HCN1: variants seen among roughly 807,000 people sequenced by gnomAD.
The protein encoded by HCN1 is potassium/sodium hyperpolarization-activated cyclic nucleotide-gated channel 1.
Under a neutral mutation model 78.9 loss-of-function variants are expected in HCN1, and 13 were observed. That is an observed-to-expected ratio of 0.16 (90% confidence interval 0.11 to 0.26). The LOEUF (loss-of-function observed/expected upper bound fraction) is 0.26. Among genes scored for constraint, HCN1 ranks in the 10% least tolerant of loss-of-function variants. HCN1 has a pLI of 1.00. For synonymous variants in HCN1, 552 were observed against 455.5 expected (o/e 1.21, Z -2.70); for missense variants, 810 against 1,154.3 (o/e 0.70, Z 4.32).
intron 1 of HCN1, among the ~76,000 whole-genome samples, chr5:45,685,025 T>C (rs1200863257): frequency 6.6e-6 from 1 of 152,210 alleles, no homozygotes; most frequent in Non-Finnish European, 1.5e-5. Context: ...AAGTGACAAC[T>C]GCTCTAGAAA....
chr5:45,294,312 T>C (rs551279048), intron 6 of HCN1, among the ~76,000 whole-genome samples: 221 of 152,124 alleles, frequency 1.5e-3, no homozygotes, highest in African/African-American at 5.0e-3. Context: ...ATAAAAATCC[T>C]AAATACATAC....
At chr5:45,412,566 G>A (rs943652972) in intron 3 of HCN1, among the ~76,000 whole-genome samples, 18 of 152,098 alleles carry the variant, frequency 1.2e-4, no homozygotes, top group Admixed American at 1.1e-3. Context: ...ATCTTCTTCT[G>A]AGAGGCTTGA....
At chr5:45,653,950 T>C (rs965609533) in intron 1 of HCN1, among the ~76,000 whole-genome samples, 1 of 152,040 alleles carries the variant, frequency 6.6e-6, no homozygotes, top group African/African-American at 2.4e-5. Flanking sequence ...AATATAATCA[T>C]TTGTTCTTTT....
At chr5:45,348,459 T>G (rs1746799789) in intron 5 of HCN1, among the ~76,000 whole-genome samples, 1 of 152,072 alleles carries the variant, frequency 6.6e-6, no homozygotes, top group Admixed American at 6.5e-5. Context: ...CTGCATCAAC[T>G]AACAAGCAAA....
At chr5:45,345,097 G>A (rs1746672264) in intron 5 of HCN1, among the ~76,000 whole-genome samples, 1 of 152,144 alleles carries the variant, frequency 6.6e-6, no homozygotes, top group African/African-American at 2.4e-5. Context: ...GACCCCCACA[G>A]GCTCAACATC....
At chr5:45,327,482 G>A (rs187693351) in intron 5 of HCN1, among the ~76,000 whole-genome samples, 206 of 151,578 alleles carry the variant, frequency 1.4e-3, no homozygotes, top group South Asian at 2.3e-3. Context: ...ATGCACATGA[G>A]GACCTAAGGA....
At chr5:45,411,562 G>C (rs1740024568) in intron 3 of HCN1, among the ~76,000 whole-genome samples, 1 of 143,382 alleles carries the variant, frequency 7.0e-6, no homozygotes, top group Non-Finnish European at 1.5e-5. Flanking sequence ...TGCTCATGAG[G>C]ATATTCTAGC....
rs377028405 is a variant in HCN1 at position 45,403,194 on chromosome 5, C to G, written c.1012-6484G>C. Among the ~76,000 whole-genome samples, 23 of 152,148 alleles carry G rather than the reference C, an allele frequency of 1.5e-4. No individual in the cohort carries two copies. The South Asian group carries it at 4.6e-3, about 30-fold the overall frequency. ...CTTGTGTTTGCAAGGGCCAAGTGAA[C>G]CATAACAAAGGAAAGTGAGCATTTA... On this transcript the variant is annotated intron_variant, in intron 3 of 7. Coordinates refer to ENST00000303230, the MANE Select transcript of HCN1 (RefSeq NM_021072.4).
At chr5:45,513,672 G>A (rs1742462992) in intron 2 of HCN1, among the ~76,000 whole-genome samples, 1 of 152,152 alleles carries the variant, frequency 6.6e-6, no homozygotes, top group Non-Finnish European at 1.5e-5. Flanking sequence ...AATCTAGGTT[G>A]CACGTTACCC....
At chr5:45,501,447 T>C (rs1276859045) in intron 2 of HCN1, among the ~76,000 whole-genome samples, 1 of 152,130 alleles carries the variant, frequency 6.6e-6, no homozygotes, top group Non-Finnish European at 1.5e-5. Context: ...TTTGTTTTGT[T>C]TTTTGAGACG....
At chr5:45,477,053 C>T (rs1295323245) in intron 2 of HCN1, among the ~76,000 whole-genome samples, 2 of 152,118 alleles carry the variant, frequency 1.3e-5, no homozygotes, top group Non-Finnish European at 2.9e-5. Context: ...GTTACAATTA[C>T]ATCAGGACAT....
At chr5:45,500,638 A>T (rs1454119936) in intron 2 of HCN1, among the ~76,000 whole-genome samples, 2 of 152,188 alleles carry the variant, frequency 1.3e-5, no homozygotes, top group Non-Finnish European at 2.9e-5. Context: ...ATATTTCTGC[A>T]ATAATTTATC....
intron 2 of HCN1, among the ~76,000 whole-genome samples, chr5:45,521,226 G>A (rs1742607765): frequency 6.6e-6 from 1 of 151,786 alleles, no homozygotes; most frequent in African/African-American, 2.4e-5. Flanking sequence ...GAAAACAAAG[G>A]CTCTGAACTC....
At chr5:45,607,654 A>C (rs2111973492) in intron 2 of HCN1, among the ~76,000 whole-genome samples, 1 of 150,586 alleles carries the variant, frequency 6.6e-6, no homozygotes, top group East Asian at 1.9e-4. Context: ...CATCTTGATA[A>C]ATACAGAAAG....
intron 2 of HCN1, among the ~76,000 whole-genome samples, chr5:45,510,509 T>G (rs1742392872): frequency 1.3e-5 from 2 of 152,078 alleles, no homozygotes; most frequent in African/African-American, 2.4e-5. Flanking sequence ...GAGGTAAGTG[T>G]CTGGAACACA....
At chr5:45,651,302 T>C (rs1180075002) in intron 1 of HCN1, among the ~76,000 whole-genome samples, 1 of 152,024 alleles carries the variant, frequency 6.6e-6, no homozygotes, top group Non-Finnish European at 1.5e-5. Context: ...TATACAGCCA[T>C]AGTGTGCTGC....
In HCN1 at chr5:45,424,521, A is replaced by G. The variant is rs1285300819; in HGVS notation, c.1012-27811T>C. The stretch of plus-strand genomic sequence containing the variant: ...AACACAGGAGAGAAAAAAATTCTTC[A>G]TAATCAAATTTGCCAAAATGTTCCA... On this transcript the variant is annotated intron_variant, in intron 3 of 7. Transcript: ENST00000303230. Among the ~76,000 whole-genome samples, 4 of 152,190 alleles carry G rather than the reference A, an allele frequency of 2.6e-5. No homozygotes were observed. In the East Asian group the frequency reaches 7.7e-4, roughly 29 times the overall value.
chr5:45,477,685 A>C (rs1561169608), intron 2 of HCN1, among the ~76,000 whole-genome samples: 1 of 152,194 alleles, frequency 6.6e-6, no homozygotes, highest in Non-Finnish European at 1.5e-5. Context: ...TAAATAACAT[A>C]AGTAATGTGC....
chr5:45,640,858 GAA>G lies in HCN1; in HGVS notation c.849+4325_849+4326del, dbSNP rs61584654. On this transcript the variant is annotated intron_variant, in intron 2 of 7. Coordinates refer to ENST00000303230, the MANE Select transcript of HCN1 (RefSeq NM_021072.4). ...AACTATGATTTTTAAAGGAGTGATA[GAA>G]AAAAAAAAAAAAAAGCCTTTCCAAA... Among the ~76,000 whole-genome samples, 343 of 82,282 alleles carry G rather than the reference GAA, an allele frequency of 4.2e-3. 3 individuals carry two copies. Among genetic ancestry groups the G allele is most frequent in the African/African-American group, 0.013 (313 of 23,580 alleles). The allele number at this position is 82,282 out of a possible 152,430, so 54.0% of individuals were successfully genotyped here.
Sources: gnomAD v4.1 joint callset for allele counts (sites outside exome capture counted in the v4.1 genomes callset) on GRCh38, gnomAD v4.1.1 for gene constraint, MANE v1.5 for transcripts, NCBI Gene and HGNC (gene_info 2026-07-23, HGNC 2026-07-21) for gene names.